TM2D1: variants seen among roughly 807,000 people sequenced by gnomAD.
TM2D1 encodes the protein TM2 domain-containing protein 1.
In TM2D1, 15 loss-of-function variants were observed where a neutral mutation model predicts 28.4. The ratio of observed to expected loss-of-function variants is 0.53; its 90% CI spans 0.35 to 0.81. The LOEUF (loss-of-function observed/expected upper bound fraction) is 0.81. Among genes scored for constraint, TM2D1 ranks in the 40% least tolerant of loss-of-function variants. The pLI is 0.01. For missense variants in TM2D1, 236 were observed against 254.9 expected (o/e 0.93, Z 0.50); for synonymous variants, 93 against 96.2 (o/e 0.97, Z 0.20).
chr1:61,683,682 AT>A (rs61498236), intron 5 of TM2D1, 136 bp from the exon 6 acceptor site: 7,994 of 500,986 alleles, frequency 0.016, 514 homozygotes, highest in African/African-American at 0.14. Flanking sequence ...AAAATAGGTA[AT>A]TTAGTGGCTC....
chr1:61,686,763 A>G, intron 5 of TM2D1: 4 of 945,896 alleles, frequency 4.2e-6, no homozygotes, highest in Non-Finnish European at 5.0e-6. Context: ...TGAGTATATG[A>G]TTGTATTATT....
chr1:61,700,259 G>A (rs902574653), intron 4 of TM2D1: 1 of 1,504,620 alleles, frequency 6.6e-7, no homozygotes, highest in East Asian at 2.6e-5. Flanking sequence ...AACCTCTCTG[G>A]TGACAGTTTC....
At chr1:61,700,619 C>G (rs530471575) in intron 4 of TM2D1, among the ~76,000 whole-genome samples, 2 of 152,124 alleles carry the variant, frequency 1.3e-5, no homozygotes, top group African/African-American at 4.8e-5. Context: ...TACATTTATT[C>G]GTAAAACATT....
At chr1:61,691,579 T>TA (rs758514573) in intron 5 of TM2D1, among the ~76,000 whole-genome samples, 26 of 149,468 alleles carry the variant, frequency 1.7e-4, no homozygotes, top group Non-Finnish European at 2.7e-4. Context: ...ATTTTTCTGA[T>TA]AAAAAACTCG....
At chr1:61,702,429 C>T (rs573557804) in intron 3 of TM2D1, among the ~76,000 whole-genome samples, 3 of 150,318 alleles carry the variant, frequency 2.0e-5, no homozygotes, top group South Asian at 2.1e-4. Context: ...AGTGCAGTGG[C>T]GTGATCTCGG....
chr1:61,704,687 C>G (rs1214220329), intron 3 of TM2D1, among the ~76,000 whole-genome samples: 1 of 152,166 alleles, frequency 6.6e-6, no homozygotes, highest in Non-Finnish European at 1.5e-5. Flanking sequence ...CCACCTCAGT[C>G]TCCCAAAGTG....
chr1:61,720,687 T>A (rs1644557021), intron 2 of TM2D1, among the ~76,000 whole-genome samples: 1 of 152,210 alleles, frequency 6.6e-6, no homozygotes, highest in African/African-American at 2.4e-5. Flanking sequence ...TATTTTGTAA[T>A]ATAAATTGTC....
At chr1:61,705,039 T>C (rs2148052830) in intron 3 of TM2D1, among the ~76,000 whole-genome samples, 1 of 152,312 alleles carries the variant, frequency 6.6e-6, no homozygotes, top group East Asian at 1.9e-4. Context: ...CATACTGCAT[T>C]AGACAGAAAA....
intron 4 of TM2D1, among the ~76,000 whole-genome samples, chr1:61,697,040 TATC>T (rs1644368241): frequency 6.6e-6 from 1 of 152,216 alleles, no homozygotes; most frequent in Non-Finnish European, 1.5e-5. Context: ...AAATGTATCT[TATC>T]TCGTTTAATT....
At chr1:61,722,078 C>T (rs1557542020) in intron 2 of TM2D1, among the ~76,000 whole-genome samples, 1 of 151,670 alleles carries the variant, frequency 6.6e-6, no homozygotes, top group South Asian at 2.1e-4. Flanking sequence ...TTGAGACCAG[C>T]CTGGGCAACA....
At position 61,725,017 on chromosome 1, in the gene TM2D1, G is replaced by GC. The variant is rs781411504; in HGVS notation, c.103dup (p.Ala35GlyfsTer13). 2.5e-6 allele frequency: 4 copies of GC among 1,611,518 alleles called. No individual in the cohort carries two copies. The highest frequency in any genetic ancestry group is 1.7e-5 in the Admixed American group (1 of 59,918). The stretch of plus-strand genomic sequence containing the variant: ...CTCGCCCCCGGCGGAGGTGGCAACA[G>GC]CCCCCCAGGGTCCTGTAGTGACTGA... On this transcript the variant is annotated frameshift_variant, in exon 1 of 7. Transcript: ENST00000606498. LOFTEE classifies it high-confidence loss of function.
intron 4 of TM2D1, among the ~76,000 whole-genome samples, chr1:61,700,634 A>G (rs1229816995): frequency 3.3e-5 from 5 of 152,204 alleles, no homozygotes; most frequent in African/African-American, 1.2e-4. Flanking sequence ...AACATTAACT[A>G]AACATCCAGT....
At chr1:61,691,932 A>AAAAAATATATATATATATATATAT in intron 5 of TM2D1, among the ~76,000 whole-genome samples, 9 of 76,390 alleles carry the variant, frequency 1.2e-4, no homozygotes, top group Non-Finnish European at 2.1e-4. Context: ...AAAAAAAAAA[A>AAAAAATATATATATATATATATAT]ATATATATAT....
rs895337738 is a variant in TM2D1 at position 61,701,029 on chromosome 1, C to CA, written c.348-5dup. 3 of 1,595,930 alleles carry CA rather than the reference C, an allele frequency of 1.9e-6. No individual in the cohort carries two copies. The highest frequency in any genetic ancestry group is 1.4e-5 in the African/African-American group (1 of 73,526). On this transcript the variant is annotated splice_polypyrimidine_tract_variant and splice_region_variant and intron_variant, in intron 3 of 6. Transcript: ENST00000606498. ...CACTTTGTAGGAATAGCCATTTCTGCAAAAAATTAAAATCTGAGTATCATA... is the reference window on the plus strand; with the variant it reads ...CACTTTGTAGGAATAGCCATTTCTGCAAAAAAATTAAAATCTGAGTATCATA...
At chr1:61,724,929 A>T in intron 1 of TM2D1, 28 bp downstream of exon 1, 1 of 1,561,984 alleles carries the variant, frequency 6.4e-7, no homozygotes, top group African/African-American at 1.4e-5. Context: ...CCTCGCCTCC[A>T]TGGGGGGGTG....
chr1:61,702,650 G>A (rs988900729), intron 3 of TM2D1, among the ~76,000 whole-genome samples: 3 of 151,236 alleles, frequency 2.0e-5, no homozygotes, highest in African/African-American at 4.9e-5. Context: ...TTACAGGAAT[G>A]AGCCACCATG....
In TM2D1 at chr1:61,687,045, A is replaced by C. The variant is rs1360744770; in HGVS notation, c.514-3499T>G. 5.6e-6 allele frequency: 5 copies of C among 899,714 alleles called. No homozygotes were observed. In the African/African-American group the frequency reaches 9.0e-5, roughly 16 times the overall value. The allele number at this position is 899,714 out of a possible 1,614,324, so 55.7% of individuals were successfully genotyped here. On this transcript the variant is annotated intron_variant, in intron 5 of 6. Transcript: ENST00000606498. ...AAATTATGAGTTTATTTCTCTGCTA[A>C]GAAATATCCTGAAGCTGGCTGGGCA...
chr1:61,683,362 T>C, intron 6 of TM2D1, 55 bp downstream of exon 6: 1 of 572,776 alleles, frequency 1.7e-6, no homozygotes, highest in South Asian at 5.7e-5. Flanking sequence ...TTCTCATAAT[T>C]TTATATGAAT....
At chr1:61,706,284 A>G (rs148689181) in intron 3 of TM2D1, among the ~76,000 whole-genome samples, 1 of 151,906 alleles carries the variant, frequency 6.6e-6, no homozygotes, top group African/African-American at 2.4e-5. Context: ...ACTCACTGCA[A>G]CCTCTGCCTC....
Sources: allele counts gnomAD v4.1 joint callset (sites outside exome capture counted in the v4.1 genomes callset), GRCh38; gene constraint gnomAD v4.1.1; transcripts MANE v1.5; gene names NCBI Gene and HGNC (gene_info 2026-07-23, HGNC 2026-07-21).